SPATC1: variants seen among roughly 807,000 people sequenced by gnomAD.
SPATC1 encodes speriolin.
A neutral mutation model predicts 36.5 loss-of-function variants in SPATC1; 35 were observed. That is an observed-to-expected ratio of 0.96 (90% CI 0.73 to 1.27). The LOEUF (loss-of-function observed/expected upper bound fraction) is 1.27. Ranked by LOEUF, SPATC1 falls within the 50% of genes most tolerant of loss-of-function variation. The probability of loss-of-function intolerance (pLI) is 0.00; values close to 1 mark genes in which losing one functional copy is unlikely to be tolerated. For synonymous variants in SPATC1, 361 were observed against 353.6 expected (o/e 1.02, Z -0.24); for missense variants, 779 against 796.0 (o/e 0.98, Z 0.26).
chr8:144,036,382 T>G (rs1287826088), intron 1 of SPATC1, among the ~76,000 whole-genome samples: 2 of 152,174 alleles, frequency 1.3e-5, no homozygotes, highest in Non-Finnish European at 2.9e-5. Context: ...TGGAGTGCAG[T>G]AGCACGATCA....
intron 1 of SPATC1, among the ~76,000 whole-genome samples, chr8:144,029,869 GT>G (rs1834759668): frequency 6.6e-6 from 1 of 152,150 alleles, no homozygotes; most frequent in African/African-American, 2.4e-5. Context: ...CTGATCTTCT[GT>G]CCGGTTCTAT....
rs1161521831 is a variant in SPATC1 at position 144,046,841 on chromosome 8, T to G, written c.1661T>G (p.Leu554Arg). The change falls in exon 5 of 5, where the codon CTG becomes CGG. Residue 554 changes from leucine to arginine, a missense_variant. By Grantham distance (102) the Leu-to-Arg change is moderately radical (BLOSUM62 -2). Coordinates refer to ENST00000377470, the MANE Select transcript of SPATC1 (RefSeq NM_198572.3). The surrounding 1 kb of genome is among the most constrained non-coding windows in gnomAD (Gnocchi z 6.6). ...SEGGPYTVDF[L>R]QRVVVETVHP... ...GGCGGCCCCTACACCGTGGACTTCC[T>G]GCAGCGTGTGGTGGTGGAGACCGTG... 6.2e-7 allele frequency: 1 copy of G among 1,602,768 alleles called. No individual in the cohort carries two copies. The highest frequency in any genetic ancestry group is 8.5e-7 in the Non-Finnish European group (1 of 1,179,858).
In SPATC1 at chr8:144,016,603, T is replaced by TTTTGTTTG. The variant is rs534048833; in HGVS notation, c.211+3893_211+3900dup. Among the ~76,000 whole-genome samples the TTTTGTTTG allele has an allele frequency of 3.3e-5, 5 of 151,680 alleles. No individual in the cohort carries two copies. The highest frequency in any genetic ancestry group is 1.2e-4 in the African/African-American group (5 of 41,174). Reference sequence around the variant, plus strand: ...AAGGCGCTAAGAAGACACTGATGGTTTTTGTTTGTTTGTTTGTTTGTTTTT... The same window carrying TTTTGTTTG: ...AAGGCGCTAAGAAGACACTGATGGTTTTTGTTTGTTTGTTTGTTTGTTTGTTTGTTTTT... On this transcript the variant is annotated intron_variant, in intron 1 of 4. Coordinates refer to ENST00000377470, the MANE Select transcript of SPATC1 (RefSeq NM_198572.3). This position sits in a 1 kb window ranked among gnomAD's most constrained non-coding sequence, Gnocchi z 4.5.
chr8:144,029,140 C>A (rs1834744151), intron 1 of SPATC1, among the ~76,000 whole-genome samples: 9 of 140,246 alleles, frequency 6.4e-5, no homozygotes, highest in Non-Finnish European at 3.0e-5. Flanking sequence ...GTACAGCAAA[C>A]CACTGTGGCA....
chr8:144,040,243 C>T lies in SPATC1; in HGVS notation c.546C>T (p.Pro182=). 1 of 1,612,920 alleles carries T rather than the reference C, an allele frequency of 6.2e-7. No individual in the cohort carries two copies. The highest frequency in any genetic ancestry group is 1.1e-5 in the South Asian group (1 of 91,052). The part of the protein sequence containing the change: ...AGPVAMSQSS[P]LIAPVMGTVA... ...CTGTGGCCATGTCCCAGAGCAGCCC[C>T]CTGATAGCCCCTGTGATGGGCACGG... The change falls in exon 2 of 5, where the codon CCC becomes CCT. Residue 182 remains proline (P), a synonymous_variant. Transcript: ENST00000377470.
rs77177458 is a variant in SPATC1, at chr8:144,039,410, C to T, written c.212-499C>T. 6.1e-3 allele frequency among the ~76,000 whole-genome samples: 929 copies of T among 152,348 alleles called. 6 individuals carry two copies. Among genetic ancestry groups the T allele is most frequent in the African/African-American group, 0.021 (876 of 41,576 alleles). ...GGTGCCGGGCCACGTGAGGCTCTGC[C>T]CATTGCAGCACGGACCCCCTGAGGA... On this transcript the variant is annotated intron_variant, in intron 1 of 4. Transcript: ENST00000377470.
chr8:144,019,997 C>T (rs1834473884), intron 1 of SPATC1, among the ~76,000 whole-genome samples: 1 of 151,964 alleles, frequency 6.6e-6, no homozygotes, highest in Admixed American at 6.6e-5. Context: ...GAACGCCCGC[C>T]CCCATGTCAC....
rs147362261 is a variant in SPATC1, at chr8:144,041,045, T to C, written c.1244T>C (p.Met415Thr). Residue 415 changes from methionine (M) to threonine (T), a missense_variant, in exon 3 of 5, where the codon ATG becomes ACG. Transcript: ENST00000377470. Reference protein sequence around the residue: ...PRTTEPSTKSMMEVERKLAHR... With the variant: ...PRTTEPSTKSTMEVERKLAHR... Reference sequence around the variant, plus strand: ...ACCACAGAACCGTCGACGAAGAGCATGATGGAGGTGGAACGGAAGCTGGCC... The same window carrying C: ...ACCACAGAACCGTCGACGAAGAGCACGATGGAGGTGGAACGGAAGCTGGCC... 6.2e-7 allele frequency: 1 copy of C among 1,607,350 alleles called. No homozygotes were observed. Among genetic ancestry groups the C allele is most frequent in the African/African-American group, 1.3e-5 (1 of 74,738 alleles).
Position 144,046,926 on chromosome 8 carries a change from C to T in SPATC1, c.1746C>T (p.His582=), listed in dbSNP as rs1244507069. The change falls in exon 5 of 5, where the codon CAC becomes CAT. Residue 582 remains histidine (H), a synonymous_variant. Coordinates refer to ENST00000377470, the MANE Select transcript of SPATC1 (RefSeq NM_198572.3). This position sits in a 1 kb window ranked among gnomAD's most constrained non-coding sequence, Gnocchi z 6.6. The stretch of plus-strand genomic sequence containing the variant: ...TCTCCTGCCTCAGCCAGCTGGCGCA[C>T]GATGACGGCAAGCCCATGTTCATCT... ...LLLSCLSQLA[H]DDGKPMFIW 10 of 1,598,144 alleles carry T rather than the reference C, an allele frequency of 6.3e-6. No individual in the cohort carries two copies. The East Asian group carries it at 1.1e-4, about 18-fold the overall frequency.
intron 1 of SPATC1, among the ~76,000 whole-genome samples, chr8:144,015,551 G>A (rs1165569832): frequency 6.8e-6 from 1 of 147,154 alleles, no homozygotes; most frequent in Non-Finnish European, 1.5e-5. Context: ...AGACCAGCCT[G>A]GCCAACATGG....
At chr8:144,026,809 CTTTTTTT>C (rs1230432833) in intron 1 of SPATC1, among the ~76,000 whole-genome samples, 3 of 131,942 alleles carry the variant, frequency 2.3e-5, no homozygotes, top group East Asian at 4.2e-4. Flanking sequence ...CTTTCTTTTT[CTTTTTTT>C]TTTTTTTTTG....
intron 4 of SPATC1, among the ~76,000 whole-genome samples, chr8:144,042,353 CTT>C (rs1201917481): frequency 1.3e-5 from 1 of 78,888 alleles, no homozygotes; most frequent in Admixed American, 1.9e-4. Context: ...GTGTTTTGCT[CTT>C]GTCGCCCAGG....
chr8:144,041,167 C>A, intron 3 of SPATC1, 60 bp downstream of exon 3: 1 of 1,598,008 alleles, frequency 6.3e-7, no homozygotes. Flanking sequence ...CTGCCGCCTG[C>A]CTGGGCTGCT....
At chr8:144,042,273 C>T (rs1835121946) in intron 4 of SPATC1, among the ~76,000 whole-genome samples, 1 of 133,044 alleles carries the variant, frequency 7.5e-6, no homozygotes, top group South Asian at 2.4e-4. Flanking sequence ...TTTACGCCAC[C>T]ACGCCCAGCT....
chr8:144,027,860 G>A (rs1834716925), intron 1 of SPATC1, among the ~76,000 whole-genome samples: 1 of 152,002 alleles, frequency 6.6e-6, no homozygotes, highest in East Asian at 1.9e-4. Context: ...GGGCGTGGTG[G>A]TGCACACCTA....
intron 1 of SPATC1, among the ~76,000 whole-genome samples, chr8:144,020,929 A>G (rs1834511044): frequency 7.3e-6 from 1 of 137,784 alleles, no homozygotes; most frequent in South Asian, 2.4e-4. Context: ...TCCCCTCAGG[A>G]CCCCCTCACC....
In SPATC1 at chr8:144,040,124, A is replaced by C; in HGVS notation, c.427A>C (p.Ser143Arg). 2 of 1,610,238 alleles carry C rather than the reference A, an allele frequency of 1.2e-6. No homozygotes were observed. The highest frequency in any genetic ancestry group is 2.7e-5 in the African/African-American group (2 of 74,952). Residue 143 changes from serine to arginine, a missense_variant, in exon 2 of 5, where the codon AGT becomes CGT. Coordinates refer to ENST00000377470, the MANE Select transcript of SPATC1 (RefSeq NM_198572.3). ...QSSPLTSFLT[S>R]PIAGPLTGTL... Reference sequence around the variant, plus strand: ...CAGCCCCCTCACCAGCTTCCTGACCAGTCCCATTGCGGGACCCCTAACAGG... The same window carrying C: ...CAGCCCCCTCACCAGCTTCCTGACCCGTCCCATTGCGGGACCCCTAACAGG...
In SPATC1 at chr8:144,046,486, GGTCT is replaced by G. The variant is rs1835264264; in HGVS notation, c.1447-137_1447-134del. ...GGGTTCCCCTGTCCTAGATTCTTGA[GGTCT>G]GTCGCAGAACCTCCCCACCGCACAC... On this transcript the variant is annotated intron_variant, in intron 4 of 4. Coordinates refer to ENST00000377470, the MANE Select transcript of SPATC1 (RefSeq NM_198572.3). This position sits in a 1 kb window ranked among gnomAD's most constrained non-coding sequence, Gnocchi z 6.6. The G allele has an allele frequency of 2.7e-6, 2 of 750,872 alleles. No individual in the cohort carries two copies. Among genetic ancestry groups the G allele is most frequent in the Non-Finnish European group, 2.1e-6 (1 of 468,618 alleles). The allele number at this position is 750,872 out of a possible 1,614,324, so 46.5% of individuals were successfully genotyped here. A position where few individuals can be genotyped will look rare whatever the true frequency, so the allele number is the denominator to read the frequency against.
chr8:144,036,610 C>T (rs1316634815), intron 1 of SPATC1, among the ~76,000 whole-genome samples: 1 of 152,152 alleles, frequency 6.6e-6, no homozygotes, highest in Non-Finnish European at 1.5e-5. Context: ...AGGCACGAAC[C>T]ACCACACCCG....
Sources: allele counts gnomAD v4.1 joint callset (sites outside exome capture counted in the v4.1 genomes callset), GRCh38; gene constraint gnomAD v4.1.1; non-coding constraint Gnocchi (gnomAD v3.1); transcripts MANE v1.5; gene names NCBI Gene and HGNC (gene_info 2026-07-23, HGNC 2026-07-21).